The following PAICS variants were observed in gnomAD, a reference collection of about 807,000 sequenced individuals.
PAICS encodes the protein bifunctional phosphoribosylaminoimidazole carboxylase/phosphoribosylaminoimidazole succinocarboxamide synthetase.
PAICS carries 33 observed loss-of-function variants against 53.7 expected under a neutral mutation model. That is an observed-to-expected ratio of 0.61 (90% CI 0.47 to 0.82). PAICS has a LOEUF of 0.82. Among genes scored for constraint, PAICS ranks in the 40% least tolerant of loss-of-function variants. PAICS has a pLI of 0.00. For synonymous variants in PAICS, 141 were observed against 167.2 expected (o/e 0.84, Z 1.21); for missense variants, 394 against 494.1 (o/e 0.80, Z 1.92).
At chr4:56,440,444 C>G (rs940238656) in intron 1 of PAICS, among the ~76,000 whole-genome samples, 7 of 152,144 alleles carry the variant, frequency 4.6e-5, no homozygotes, top group African/African-American at 1.7e-4. Context: ...TGGCCCCTGT[C>G]CAACTCTTAA....
chr4:56,421,078 T>C, the PAICS span: 2 of 152,252 alleles, frequency 1.3e-5, no homozygotes, highest in African/African-American at 2.4e-5. Context: ...CTCCCCATCA[T>C]GCACATTATG....
intron 1 of PAICS, among the ~76,000 whole-genome samples, chr4:56,437,879 T>C (rs961503678): frequency 6.7e-6 from 1 of 148,658 alleles, no homozygotes; most frequent in Non-Finnish European, 1.5e-5. Flanking sequence ...TCAGATGATA[T>C]TGAGTATCAA....
upstream of PAICS, among the ~76,000 whole-genome samples, chr4:56,433,641 C>CATATTT: frequency 6.6e-6 from 1 of 152,026 alleles, no homozygotes; most frequent in African/African-American, 2.4e-5. Flanking sequence ...CACCAGGCAA[C>CATATTT]CCTAAAGACC....
Position 56,459,548 on chromosome 4 carries a change from C to A in PAICS, c.*10C>A. ...AGAATGTAATTTATAAGAAAGAATG[C>A]CATTGAATTTTTTAGGGGAAAAACT... On this transcript the variant is annotated 3_prime_UTR_variant, in exon 9 of 9. Coordinates refer to ENST00000512576, the MANE Select transcript of PAICS (RefSeq NM_001079524.2). 2.0e-6 allele frequency: 3 copies of A among 1,521,530 alleles called. No individual in the cohort carries two copies. Among genetic ancestry groups the A allele is most frequent in the South Asian group, 1.3e-5 (1 of 79,532 alleles). The allele number at this position is 1,521,530 out of a possible 1,614,324, so 94.3% of individuals were successfully genotyped here. A position where few individuals can be genotyped will look rare whatever the true frequency, so the allele number is the denominator to read the frequency against.
chr4:56,457,939 G>A (rs1404293463), intron 8 of PAICS, among the ~76,000 whole-genome samples: 1 of 151,994 alleles, frequency 6.6e-6, no homozygotes, highest in African/African-American at 2.4e-5. Flanking sequence ...TGTTTTTATA[G>A]GCTCTGAGAA....
chr4:56,410,756 G>C, the PAICS span: 1 of 987,038 alleles, frequency 1.0e-6, no homozygotes, highest in Non-Finnish European at 1.2e-6. Flanking sequence ...TAACTCTGGA[G>C]ACAGCTCTAA....
rs1719451388 is a variant in PAICS at position 56,460,473 on chromosome 4, A to G, written c.*935A>G. On this transcript the variant is annotated 3_prime_UTR_variant, in exon 9 of 9. Transcript: ENST00000512576. ...GTCAAATTCAACATTATCCTGATCTAGACAGCCCCCATTCTCAATCCACCC... is the reference window on the plus strand; with the variant it reads ...GTCAAATTCAACATTATCCTGATCTGGACAGCCCCCATTCTCAATCCACCC... 1 of 152,214 alleles carries G rather than the reference A, an allele frequency of 6.6e-6. No homozygotes were observed. Among genetic ancestry groups the G allele is most frequent in the South Asian group, 2.1e-4 (1 of 4,820 alleles). 9.4% of individuals were successfully genotyped at this position (152,214 alleles called of 1,614,324 possible). A position where few individuals can be genotyped will look rare whatever the true frequency, so the allele number is the denominator to read the frequency against.
upstream of PAICS, among the ~76,000 whole-genome samples, chr4:56,434,766 G>C (rs1324046453): frequency 6.6e-6 from 1 of 152,186 alleles, no homozygotes; most frequent in East Asian, 1.9e-4. Flanking sequence ...ACTACCAGTA[G>C]TCATTCTCAA....
chr4:56,453,883 T>C (rs1469624635), intron 8 of PAICS, 122 bp downstream of exon 8: 1 of 591,314 alleles, frequency 1.7e-6, no homozygotes, highest in Non-Finnish European at 2.9e-6. Flanking sequence ...ATTAACATCT[T>C]GTTGTGTCTA....
the PAICS span, among the ~76,000 whole-genome samples, chr4:56,430,679 G>A: frequency 8.0e-5 from 12 of 150,432 alleles, no homozygotes; most frequent in Non-Finnish European, 1.5e-5. Flanking sequence ...ACTCTTGTGC[G>A]GTTAACCCTT....
the PAICS span, chr4:56,420,717 A>C: frequency 1.3e-5 from 2 of 152,240 alleles, no homozygotes; most frequent in Non-Finnish European, 2.9e-5. Flanking sequence ...AAATAGAAAA[A>C]GGGCATTGAA....
chr4:56,463,707 AAAAAG>A lies in PAICS; in HGVS notation c.*4171_*4175del, dbSNP rs1719590885. ...AAAATCTGTCGCCAAAAAAAAAAAA[AAAAAG>A]ATACTGTACATGGAAGCTTCTCAGG... On this transcript the variant is annotated 3_prime_UTR_variant, in exon 9 of 9. Transcript: ENST00000512576. The A allele has an allele frequency of 5.3e-5, 8 of 152,074 alleles. No individual in the cohort carries two copies. Among genetic ancestry groups the A allele is most frequent in the Admixed American group, 5.2e-4 (8 of 15,242 alleles). 9.4% of individuals were successfully genotyped at this position (152,074 alleles called of 1,614,324 possible). A position where few individuals can be genotyped will look rare whatever the true frequency, so the allele number is the denominator to read the frequency against.
chr4:56,435,228 C>G, upstream of PAICS: 1 of 1,430,980 alleles, frequency 7.0e-7, no homozygotes, highest in Non-Finnish European at 9.5e-7. Context: ...CAGGCAGGTA[C>G]TGGCTTAGGT....
chr4:56,446,666 CTTT>C (rs1560660187), intron 2 of PAICS, 26 bp from the exon 3 acceptor site: 1 of 1,439,472 alleles, frequency 6.9e-7, no homozygotes, highest in Admixed American at 2.1e-5. Flanking sequence ...ATTTCAATAC[CTTT>C]TTTAACTTTG....
intron 8 of PAICS, among the ~76,000 whole-genome samples, chr4:56,458,103 A>C (rs1176960349): frequency 6.6e-6 from 1 of 152,206 alleles, no homozygotes; most frequent in Non-Finnish European, 1.5e-5. Context: ...CATGATAAGC[A>C]AAAAATTGGC....
upstream of PAICS, among the ~76,000 whole-genome samples, chr4:56,434,008 ACAAACTAATGTTG>A (rs1367901360): frequency 3.3e-5 from 5 of 152,324 alleles, no homozygotes; most frequent in East Asian, 9.6e-4. Context: ...TAAGAATGTT[ACAAACTAATGTTG>A]CTCACAACTA....
Position 56,462,485 on chromosome 4 carries a change from A to G in PAICS, c.*2947A>G, listed in dbSNP as rs928799573. 4 of 152,222 alleles carry G rather than the reference A, an allele frequency of 2.6e-5. No homozygotes were observed. The highest frequency in any genetic ancestry group is 4.8e-5 in the African/African-American group (2 of 41,464). 9.4% of individuals were successfully genotyped at this position (152,222 alleles called of 1,614,324 possible). A position where few individuals can be genotyped will look rare whatever the true frequency, so the allele number is the denominator to read the frequency against. On this transcript the variant is annotated 3_prime_UTR_variant, in exon 9 of 9. Transcript: ENST00000512576. ...AGAAGCAGAGATTAGTTAAGAGGCTATTGTAGCCCAGGTGAGGGATGATGT... is the reference window on the plus strand; with the variant it reads ...AGAAGCAGAGATTAGTTAAGAGGCTGTTGTAGCCCAGGTGAGGGATGATGT...
the PAICS span, among the ~76,000 whole-genome samples, chr4:56,428,165 A>G: frequency 3.3e-5 from 5 of 152,358 alleles, no homozygotes; most frequent in African/African-American, 9.6e-5. Flanking sequence ...ACTTTATGCC[A>G]TCACAGTTGC....
the PAICS span, chr4:56,416,450 T>C: frequency 9.0e-6 from 4 of 443,610 alleles, no homozygotes; most frequent in East Asian, 1.6e-4. Flanking sequence ...TATAGTATAA[T>C]GGATGGGACA....
Sources: allele counts gnomAD v4.1 joint callset (sites outside exome capture counted in the v4.1 genomes callset), GRCh38; gene constraint gnomAD v4.1.1; transcripts MANE v1.5; gene names NCBI Gene and HGNC (gene_info 2026-07-23, HGNC 2026-07-21).